The following PRKG1 variants were observed in gnomAD, a reference collection of about 807,000 sequenced individuals.
PRKG1 encodes the protein protein kinase cGMP-dependent 1, also known as cGMP-dependent protein kinase 1.
PRKG1 carries 35 observed loss-of-function variants against 88.1 expected under a neutral mutation model. The observed-to-expected ratio is 0.40, with a 90% CI of 0.30 to 0.53. The LOEUF is 0.53. Ranked by LOEUF, PRKG1 falls within the 20% of genes least tolerant of loss-of-function variation. The pLI, the probability that PRKG1 is intolerant of heterozygous loss-of-function variation, is 0.59. For missense variants in PRKG1, 540 were observed against 839.8 expected (o/e 0.64, Z 4.41); for synonymous variants, 303 against 292.5 (o/e 1.04, Z -0.37).
At chr10:51,459,695 G>T (rs182943362) in intron 2 of PRKG1, among the ~76,000 whole-genome samples, 1 of 152,244 alleles carries the variant, frequency 6.6e-6, no homozygotes, top group East Asian at 1.9e-4. Context: ...TCAGTCAATG[G>T]TGGAGCCAGG....
At chr10:52,273,950 A>C (rs1841799401) in intron 12 of PRKG1, among the ~76,000 whole-genome samples, 1 of 152,104 alleles carries the variant, frequency 6.6e-6, no homozygotes, top group Non-Finnish European at 1.5e-5. Context: ...AACATTTGGC[A>C]TATCTAATGT....
At chr10:52,259,288 A>T (rs1432597531) in intron 10 of PRKG1, among the ~76,000 whole-genome samples, 1 of 152,176 alleles carries the variant, frequency 6.6e-6, no homozygotes, top group East Asian at 1.9e-4. Flanking sequence ...TTCTCTTCTG[A>T]CAAAAGTAGG....
At chr10:51,057,884 G>C (rs1843647674) in intron 1 of PRKG1, among the ~76,000 whole-genome samples, 2 of 152,054 alleles carry the variant, frequency 1.3e-5, no homozygotes, top group Admixed American at 1.3e-4. Flanking sequence ...CCTTAGGATT[G>C]GACTTTCTAG....
intron 5 of PRKG1, among the ~76,000 whole-genome samples, chr10:51,912,428 G>A (rs2132957921): frequency 6.6e-6 from 1 of 152,266 alleles, no homozygotes; most frequent in South Asian, 2.1e-4. Context: ...GATTACTGAG[G>A]GAAAGGCCAG....
chr10:52,178,694 G>A (rs928146867), intron 9 of PRKG1, among the ~76,000 whole-genome samples: 1 of 151,940 alleles, frequency 6.6e-6, no homozygotes, highest in Non-Finnish European at 1.5e-5. Flanking sequence ...AATGCATATA[G>A]ATTTACAGTT....
chr10:52,052,972 ATTT>A lies in PRKG1; in HGVS notation c.763-1510_763-1508del, dbSNP rs538818431. ...GAATACATGAAAGTGGACCACTGCC[ATTT>A]TGTTTTTCAAATCTGCATGTTGTAA... On this transcript the variant is annotated intron_variant, in intron 5 of 17. Coordinates refer to ENST00000373980, the MANE Select transcript of PRKG1 (RefSeq NM_006258.4). Among the ~76,000 whole-genome samples, 3 of 152,306 alleles carry A rather than the reference ATTT, an allele frequency of 2.0e-5. No homozygotes were observed. In the South Asian group the frequency reaches 6.2e-4, roughly 32 times the overall value.
chr10:51,933,687 T>C (rs1037891637), intron 5 of PRKG1, among the ~76,000 whole-genome samples: 1 of 152,096 alleles, frequency 6.6e-6, no homozygotes, highest in African/African-American at 2.4e-5. Flanking sequence ...AGGTTTTCTC[T>C]AGTAAATAAT....
At chr10:51,920,517 G>T (rs541872010) in intron 5 of PRKG1, among the ~76,000 whole-genome samples, 1 of 152,114 alleles carries the variant, frequency 6.6e-6, no homozygotes, top group East Asian at 1.9e-4. Context: ...GTTTAGTTTC[G>T]TGTCTACAGA....
At chr10:51,839,242 A>G (rs1840207255) in intron 4 of PRKG1, among the ~76,000 whole-genome samples, 1 of 152,304 alleles carries the variant, frequency 6.6e-6, no homozygotes. Context: ...TTAAGTGCAT[A>G]TTTGTTACTG....
chr10:51,076,405 T>G (rs1002339343), intron 1 of PRKG1, among the ~76,000 whole-genome samples: 1 of 152,230 alleles, frequency 6.6e-6, no homozygotes, highest in Non-Finnish European at 1.5e-5. Flanking sequence ...CATGCCTGAC[T>G]GTTTTAGCTA....
At chr10:51,694,786 G>T (rs1841242494) in intron 3 of PRKG1, among the ~76,000 whole-genome samples, 1 of 152,152 alleles carries the variant, frequency 6.6e-6, no homozygotes, top group African/African-American at 2.4e-5. Flanking sequence ...ACACATAAAA[G>T]ATTCTGATTG....
chr10:52,011,603 GA>G (rs1844880853), intron 5 of PRKG1, among the ~76,000 whole-genome samples: 1 of 151,998 alleles, frequency 6.6e-6, no homozygotes, highest in Non-Finnish European at 1.5e-5. Context: ...TCTTAAAATA[GA>G]ACAAATGTGT....
At chr10:51,904,365 T>C (rs1315876799) in intron 4 of PRKG1, among the ~76,000 whole-genome samples, 5 of 152,170 alleles carry the variant, frequency 3.3e-5, no homozygotes, top group Non-Finnish European at 5.9e-5. Flanking sequence ...ATTTTATATA[T>C]AATTTAGTGG....
intron 1 of PRKG1, among the ~76,000 whole-genome samples, chr10:51,103,134 TA>T (rs1554836275): frequency 4.5e-5 from 5 of 109,904 alleles, no homozygotes; most frequent in African/African-American, 1.1e-4. Context: ...TATTCAAAAG[TA>T]AAAAAAAAAT....
intron 1 of PRKG1, among the ~76,000 whole-genome samples, chr10:51,035,730 A>G (rs1843344576): frequency 6.6e-6 from 1 of 152,176 alleles, no homozygotes; most frequent in African/African-American, 2.4e-5. Context: ...AACTTATTAC[A>G]TGCACTTGTG....
chr10:51,308,820 CT>C (rs1395122078), intron 2 of PRKG1, among the ~76,000 whole-genome samples: 2 of 152,038 alleles, frequency 1.3e-5, no homozygotes, highest in Non-Finnish European at 2.9e-5. Context: ...CAGATGAGAC[CT>C]CACTGAACTG....
chr10:52,035,615 T>A (rs1845587623), intron 5 of PRKG1, among the ~76,000 whole-genome samples: 1 of 151,956 alleles, frequency 6.6e-6, no homozygotes, highest in African/African-American at 2.4e-5. Flanking sequence ...GGGGGTCAGG[T>A]GTGGTATCAG....
chr10:51,773,264 G>C (rs1256588529), intron 3 of PRKG1, among the ~76,000 whole-genome samples: 6 of 151,894 alleles, frequency 4.0e-5, no homozygotes, highest in African/African-American at 1.2e-4. Flanking sequence ...ATTATACCAG[G>C]TAAACTGTTT....
At chr10:51,989,792 A>G (rs541536310) in intron 5 of PRKG1, among the ~76,000 whole-genome samples, 3 of 152,124 alleles carry the variant, frequency 2.0e-5, no homozygotes, top group African/African-American at 7.2e-5. Flanking sequence ...TTTTTTATAA[A>G]CATTTCTTTT....
Sources: gnomAD v4.1 joint callset for allele counts (sites outside exome capture counted in the v4.1 genomes callset) on GRCh38, gnomAD v4.1.1 for gene constraint, MANE v1.5 for transcripts, NCBI Gene and HGNC (gene_info 2026-07-23, HGNC 2026-07-21) for gene names.